The following DLC1 variants were observed in gnomAD, a reference collection of about 807,000 sequenced individuals.
The protein encoded by DLC1 is DLC1 Rho GTPase activating protein.
DLC1 carries 54 observed loss-of-function variants against 140.3 expected under a neutral mutation model. The observed-to-expected ratio is 0.38, with a 90% confidence interval of 0.31 to 0.48. The LOEUF (loss-of-function observed/expected upper bound fraction) is 0.48, where lower values mean the gene tolerates loss of function less well. Ranked by LOEUF, DLC1 falls within the 20% of genes least tolerant of loss-of-function variation. The pLI, the probability that DLC1 is intolerant of heterozygous loss-of-function variation, is 0.96. For missense variants in DLC1, 2,536 were observed against 1,907.0 expected (o/e 1.33, Z -6.14); for synonymous variants, 986 against 728.1 (o/e 1.35, Z -5.70).
At chr8:13,307,745 C>G (rs1832506657) in intron 4 of DLC1, among the ~76,000 whole-genome samples, 1 of 152,160 alleles carries the variant, frequency 6.6e-6, no homozygotes. Flanking sequence ...CAGTTTTAAG[C>G]TTTTGACTGC....
At chr8:13,419,822 G>A (rs533513801) in intron 2 of DLC1, among the ~76,000 whole-genome samples, 2 of 152,228 alleles carry the variant, frequency 1.3e-5, no homozygotes, top group South Asian at 2.1e-4. Context: ...GGTAGAATTC[G>A]GCTGTGAATC....
At chr8:13,501,107 A>G (rs575767866) in intron 1 of DLC1, among the ~76,000 whole-genome samples, 21 of 152,328 alleles carry the variant, frequency 1.4e-4, no homozygotes, top group Non-Finnish European at 2.8e-4. Context: ...TCAAGTGAAC[A>G]TAAAGGAAGA....
At chr8:13,287,440 C>T (rs1320725411) in intron 5 of DLC1, among the ~76,000 whole-genome samples, 1 of 152,056 alleles carries the variant, frequency 6.6e-6, no homozygotes, top group Non-Finnish European at 1.5e-5. Context: ...TTAAAGAAAT[C>T]AATCACCATA....
intron 5 of DLC1, chr8:13,116,269 A>C (rs1044370442): frequency 8.6e-5 from 84 of 978,684 alleles, no homozygotes; most frequent in Non-Finnish European, 9.5e-5. Context: ...TGGCAGGCAG[A>C]AATGGCTAAT....
chr8:13,536,213 A>G (rs933371808), intron 1 of DLC1: 11 of 152,242 alleles, frequency 7.2e-5, no homozygotes, highest in Admixed American at 6.5e-4. Context: ...CAAACTTCAT[A>G]TACAACACAA....
At chr8:13,503,917 G>A (rs979431669) in intron 1 of DLC1, among the ~76,000 whole-genome samples, 1 of 152,166 alleles carries the variant, frequency 6.6e-6, no homozygotes, top group South Asian at 2.1e-4. Flanking sequence ...CCTCCAGAAC[G>A]TTCAAGTCAA....
intron 2 of DLC1, among the ~76,000 whole-genome samples, chr8:13,445,203 T>A (rs976394885): frequency 6.6e-6 from 1 of 152,184 alleles, no homozygotes; most frequent in Non-Finnish European, 1.5e-5. Context: ...TCTTATTGCA[T>A]GCTCTTGGTG....
chr8:13,142,875 C>T (rs184696442), intron 5 of DLC1, among the ~76,000 whole-genome samples: 1 of 152,118 alleles, frequency 6.6e-6, no homozygotes, highest in South Asian at 2.1e-4. Flanking sequence ...CATGGAGAAA[C>T]TCCATCTGTA....
At chr8:13,576,422 G>T (rs1183726512) in intron 1 of DLC1, among the ~76,000 whole-genome samples, 2 of 152,144 alleles carry the variant, frequency 1.3e-5, no homozygotes, top group African/African-American at 4.8e-5. Context: ...ATTTGCAACA[G>T]CATAAATAGG....
intron 1 of DLC1, among the ~76,000 whole-genome samples, chr8:13,566,610 C>G (rs1354553340): frequency 6.6e-6 from 1 of 152,202 alleles, no homozygotes; most frequent in African/African-American, 2.4e-5. Flanking sequence ...CCACCTAACT[C>G]TATTGGTCTC....
chr8:13,272,478 T>C (rs1830976391), intron 5 of DLC1, among the ~76,000 whole-genome samples: 1 of 152,100 alleles, frequency 6.6e-6, no homozygotes, highest in South Asian at 2.1e-4. Context: ...AAGACTAGTA[T>C]TTAATTTCTT....
intron 5 of DLC1, among the ~76,000 whole-genome samples, chr8:13,131,225 T>A (rs922838525): frequency 3.9e-5 from 6 of 152,218 alleles, no homozygotes; most frequent in African/African-American, 1.4e-4. Flanking sequence ...GACCAGTCTG[T>A]AGTCCAGATG....
intron 5 of DLC1, among the ~76,000 whole-genome samples, chr8:13,207,852 G>A (rs373807609): frequency 1.8e-4 from 27 of 152,242 alleles, no homozygotes; most frequent in African/African-American, 5.8e-4. Flanking sequence ...CAATGGTGCC[G>A]GGGTTGAGAA....
intron 5 of DLC1, among the ~76,000 whole-genome samples, chr8:13,297,039 A>G (rs1318836457): frequency 6.6e-6 from 1 of 151,932 alleles, no homozygotes; most frequent in Admixed American, 6.6e-5. Flanking sequence ...TTGGAAAATT[A>G]TCTGTATTTT....
At chr8:13,468,284 A>T (rs1585159583) in intron 2 of DLC1, among the ~76,000 whole-genome samples, 1 of 151,312 alleles carries the variant, frequency 6.6e-6, no homozygotes, top group East Asian at 2.0e-4. Flanking sequence ...TCTTTACTTC[A>T]TCGGTAATAA....
intron 5 of DLC1, among the ~76,000 whole-genome samples, chr8:13,293,721 C>T (rs1203481411): frequency 1.3e-5 from 2 of 152,084 alleles, no homozygotes; most frequent in African/African-American, 4.8e-5. Context: ...CAACAAAGTG[C>T]CACTTTCAGC....
intron 5 of DLC1, among the ~76,000 whole-genome samples, chr8:13,245,423 A>G (rs957600118): frequency 2.0e-5 from 3 of 152,196 alleles, no homozygotes; most frequent in African/African-American, 7.2e-5. Context: ...TGGTTGTTTT[A>G]CACCACTAGG....
In DLC1 at chr8:13,210,555, T is replaced by C. The variant is rs141440043; in HGVS notation, c.1348+94714A>G. Among the ~76,000 whole-genome samples the C allele has an allele frequency of 3.7e-3, 561 of 152,224 alleles. 3 individuals carry two copies. Among genetic ancestry groups the C allele is most frequent in the African/African-American group, 0.013 (524 of 41,566 alleles). On this transcript the variant is annotated intron_variant, in intron 5 of 17. Transcript: ENST00000276297. ...AGATTTGCTCTTCTATAGAGGTCTA[T>C]CTTTCAAAAACCTTTTTATTGAAAA... is the stretch of plus-strand genomic sequence containing the variant.
intron 3 of DLC1, among the ~76,000 whole-genome samples, chr8:13,396,917 C>T (rs986440871): frequency 2.0e-5 from 3 of 152,102 alleles, no homozygotes; most frequent in Admixed American, 6.6e-5. Context: ...TTACAACTGC[C>T]ACTCATAATT....
Sources: gnomAD v4.1 joint callset for allele counts (sites outside exome capture counted in the v4.1 genomes callset) on GRCh38, gnomAD v4.1.1 for gene constraint, MANE v1.5 for transcripts, NCBI Gene and HGNC (gene_info 2026-07-23, HGNC 2026-07-21) for gene names.